IRAG2: variants seen among roughly 807,000 people sequenced by gnomAD.
The protein encoded by IRAG2 is lymphoid restricted membrane protein.
In IRAG2, 45 loss-of-function variants were observed where a neutral mutation model predicts 69.9. The observed-to-expected ratio is 0.64, with a 90% CI of 0.51 to 0.83. IRAG2 has a LOEUF of 0.83. Ranked by LOEUF, IRAG2 falls within the 40% of genes least tolerant of loss-of-function variation. The pLI, the probability that IRAG2 is intolerant of heterozygous loss-of-function variation, is 0.00. For synonymous variants in IRAG2, 193 were observed against 202.4 expected (o/e 0.95, Z 0.40); for missense variants, 520 against 587.0 (o/e 0.89, Z 1.18).
At chr12:25,022,776 C>T (rs1944591412) in intron 7 of IRAG2, among the ~76,000 whole-genome samples, 1 of 152,178 alleles carries the variant, frequency 6.6e-6, no homozygotes, top group African/African-American at 2.4e-5. Context: ...TACTTTAGAA[C>T]ATCATGTTAT....
At chr12:25,017,454 A>G (rs528246041) in intron 6 of IRAG2, among the ~76,000 whole-genome samples, 4 of 152,278 alleles carry the variant, frequency 2.6e-5, no homozygotes, top group African/African-American at 7.2e-5. Flanking sequence ...ATGGTGACTC[A>G]TGCCTGTAAT....
At chr12:25,020,045 T>C (rs1195829084) in intron 6 of IRAG2, among the ~76,000 whole-genome samples, 1 of 152,220 alleles carries the variant, frequency 6.6e-6, no homozygotes, top group East Asian at 1.9e-4. Flanking sequence ...CCTAGCACAG[T>C]GCCTGGGACA....
chr12:25,107,094 G>C lies in IRAG2; in HGVS notation c.1256+44G>C, dbSNP rs192771660. ...AAATTCTACCATTTTAGTGGAATGG[G>C]AAAGGGTGAGGCAGGGCTGACAGTA... On this transcript the variant is annotated intron_variant, in intron 21 of 21. Coordinates refer to ENST00000556887, the MANE Select transcript of IRAG2 (RefSeq NM_001366544.2). 3.7e-6 allele frequency: 4 copies of C among 1,091,926 alleles called. No homozygotes were observed. The Admixed American group carries it at 7.5e-5, about 20-fold the overall frequency. 67.6% of individuals were successfully genotyped at this position (1,091,926 alleles called of 1,614,324 possible).
intron 16 of IRAG2, among the ~76,000 whole-genome samples, chr12:25,046,682 A>G (rs557149436): frequency 4.6e-5 from 7 of 152,314 alleles, no homozygotes; most frequent in Middle Eastern, 6.8e-3. Context: ...TAAAGAAGAC[A>G]CAAATAAATG....
At chr12:25,041,561 A>G (rs1944748827) in intron 16 of IRAG2, among the ~76,000 whole-genome samples, 1 of 151,904 alleles carries the variant, frequency 6.6e-6, no homozygotes, top group Non-Finnish European at 1.5e-5. Flanking sequence ...AGCTCACTGG[A>G]ACCTCCACCT....
Position 25,077,341 on chromosome 12 carries a change from A to ATATATATG in IRAG2, c.25-1903_25-1902insTATATATG, listed in dbSNP as rs1565563447. On this transcript the variant is annotated intron_variant, in intron 6 of 21. Transcript: ENST00000556887. ...TGATATATATATGATATATATATGA[A>ATATATATG]ATATATATATGATATATATGATATA... 2.5e-4 allele frequency among the ~76,000 whole-genome samples: 14 copies of ATATATATG among 55,300 alleles called. 4 individuals carry two copies. The South Asian group carries it at 6.2e-3, about 24-fold the overall frequency. The allele number at this position is 55,300 out of a possible 152,430, so 36.3% of individuals were successfully genotyped here.
chr12:25,090,379 C>A (rs1167414194), intron 14 of IRAG2, among the ~76,000 whole-genome samples, 182 bp downstream of exon 14: 3 of 143,976 alleles, frequency 2.1e-5, no homozygotes, highest in African/African-American at 5.2e-5. Context: ...CCATCTCTAC[C>A]AAAAAAAAAA....
At chr12:25,087,833 C>A (rs745426013) in intron 10 of IRAG2, among the ~76,000 whole-genome samples, 1 of 152,076 alleles carries the variant, frequency 6.6e-6, no homozygotes. Context: ...ACTGTGCAAG[C>A]GAGCCATCTA....
exon 1 of IRAG2, chr12:25,004,372 C>T (rs991081418): frequency 2.8e-5 from 34 of 1,232,110 alleles, no homozygotes; most frequent in South Asian, 1.2e-4. Flanking sequence ...AACTGAGAAG[C>T]GGCATAACCC....
At chr12:25,023,504 C>T (rs1944599338) in intron 7 of IRAG2, among the ~76,000 whole-genome samples, 1 of 152,128 alleles carries the variant, frequency 6.6e-6, no homozygotes, top group African/African-American at 2.4e-5. Flanking sequence ...ATATCCACAG[C>T]TTCAAATAGA....
chr12:25,066,303 G>A, intron 4 of IRAG2, 62 bp from the exon 5 acceptor site: 1 of 399,916 alleles, frequency 2.5e-6, no homozygotes, highest in Non-Finnish European at 4.4e-6. Context: ...AAGACTTTAT[G>A]CTTCAATATA....
chr12:25,100,285 C>T (rs553513702), intron 15 of IRAG2, among the ~76,000 whole-genome samples: 11 of 152,132 alleles, frequency 7.2e-5, no homozygotes, highest in African/African-American at 2.4e-4. Flanking sequence ...AAACACTGTA[C>T]GTTGCTGGGA....
In IRAG2 at chr12:25,062,899, T is replaced by C. The variant is rs1945718617; in HGVS notation, c.-305T>C. The C allele has an allele frequency of 2.5e-6, 1 of 398,882 alleles. No individual in the cohort carries two copies. Among genetic ancestry groups the C allele is most frequent in the South Asian group, 1.3e-4 (1 of 7,864 alleles). 24.7% of individuals were successfully genotyped at this position (398,882 alleles called of 1,614,324 possible). A position where few individuals can be genotyped will look rare whatever the true frequency, so the allele number is the denominator to read the frequency against. ...ATTCAACAACCTCTTCAAGAAAAAT[T>C]GGTAATTGCGAGCTTTTTGAAATTA... On this transcript the variant is annotated splice_region_variant and 5_prime_UTR_variant, in exon 3 of 22. An upstream open reading frame in the 5' UTR loses its in-frame stop. Coordinates refer to ENST00000556887, the MANE Select transcript of IRAG2 (RefSeq NM_001366544.2).
chr12:25,003,827 G>A (rs1944410750), upstream of IRAG2, among the ~76,000 whole-genome samples: 1 of 152,136 alleles, frequency 6.6e-6, no homozygotes, highest in African/African-American at 2.4e-5. Flanking sequence ...GTTAAGTTCT[G>A]AATAGAGGGC....
At chr12:25,074,739 G>A (rs1191128289) in intron 6 of IRAG2, among the ~76,000 whole-genome samples, 1 of 152,178 alleles carries the variant, frequency 6.6e-6, no homozygotes, top group East Asian at 1.9e-4. Flanking sequence ...GAATTTCTCT[G>A]TTTTTCTTTT....
chr12:25,108,019 C>T lies in IRAG2; in HGVS notation c.1459C>T (p.Pro487Ser). 1 of 1,614,052 alleles carries T rather than the reference C, an allele frequency of 6.2e-7. No individual in the cohort carries two copies. Among genetic ancestry groups the T allele is most frequent in the Non-Finnish European group, 8.5e-7 (1 of 1,179,962 alleles). The change falls in exon 22 of 22, where the codon CCA (proline) becomes TCA (serine). Residue 487 changes from proline to serine, a missense_variant. By Grantham distance (74) the Pro-to-Ser change is moderately conservative. Transcript: ENST00000556887. ...SWTSLEHILW[P>S]FTRLRHNGPP... ...GACGTCTCTAGAACATATCTTGTGG[C>T]CATTTACCAGACTCCGACACAATGG...
intron 3 of IRAG2, among the ~76,000 whole-genome samples, chr12:25,011,788 G>A (rs1944476220): frequency 6.6e-6 from 1 of 152,122 alleles, no homozygotes; most frequent in Non-Finnish European, 1.5e-5. Flanking sequence ...TATTGATGCT[G>A]GGAGTGGGCT....
exon 10 of IRAG2, chr12:25,030,296 G>C: frequency 2.4e-6 from 3 of 1,231,680 alleles, no homozygotes; most frequent in Non-Finnish European, 3.0e-6. Flanking sequence ...ACACACATAT[G>C]AGAACACTTT....
upstream of IRAG2, among the ~76,000 whole-genome samples, chr12:25,049,611 A>T (rs1944824343): frequency 6.6e-6 from 1 of 152,258 alleles, no homozygotes; most frequent in Non-Finnish European, 1.5e-5. Flanking sequence ...GTGTACAAAC[A>T]TACTCAACAT....
Sources: gnomAD v4.1 joint callset for allele counts (sites outside exome capture counted in the v4.1 genomes callset) on GRCh38, gnomAD v4.1.1 for gene constraint, MANE v1.5 for transcripts, NCBI Gene and HGNC (gene_info 2026-07-23, HGNC 2026-07-21) for gene names.